The following TXNDC12 variants were observed in gnomAD, a reference collection of about 807,000 sequenced individuals.
The protein encoded by TXNDC12 is thioredoxin domain-containing protein 12.
TXNDC12 carries 22 observed loss-of-function variants against 24.2 expected under a neutral mutation model. The observed-to-expected ratio is 0.91, with a 90% CI of 0.65 to 1.30. The LOEUF (loss-of-function observed/expected upper bound fraction) is 1.30. Among genes scored for constraint, TXNDC12 ranks in the 50% most tolerant of loss-of-function variants. The pLI is 0.00. For synonymous variants in TXNDC12, 58 were observed against 73.4 expected (o/e 0.79, Z 1.07); for missense variants, 184 against 205.8 (o/e 0.89, Z 0.65).
intron 3 of TXNDC12, 67 bp downstream of exon 3, chr1:52,028,511 A>G: frequency 1.5e-6 from 2 of 1,314,912 alleles, no homozygotes; most frequent in South Asian, 1.2e-5. Flanking sequence ...CAGTGCCAAT[A>G]TTTGTTAAAT....
intron 5 of TXNDC12, 64 bp from the exon 6 acceptor site, chr1:52,023,638 A>G: frequency 7.8e-7 from 1 of 1,276,170 alleles, no homozygotes; most frequent in Non-Finnish European, 1.1e-6. Context: ...TTCAAACACT[A>G]CCTGGTACAT....
At chr1:52,047,642 C>T (rs1686122996) in intron 1 of TXNDC12, among the ~76,000 whole-genome samples, 1 of 152,210 alleles carries the variant, frequency 6.6e-6, no homozygotes, top group East Asian at 1.9e-4. Context: ...ACAATGTGCA[C>T]CTGTAGTCCC....
chr1:52,021,778 G>C (rs1685600894), intron 6 of TXNDC12, among the ~76,000 whole-genome samples: 1 of 152,142 alleles, frequency 6.6e-6, no homozygotes, highest in African/African-American at 2.4e-5. Flanking sequence ...TATGAATCTT[G>C]CAAAGCCAAA....
At position 52,031,097 on chromosome 1, in the gene TXNDC12, C is replaced by G. The variant is rs550491594; in HGVS notation, c.159-2467G>C. On this transcript the variant is annotated intron_variant, in intron 2 of 6. Transcript: ENST00000371626. ...CCAACAGCTAGTTAGTCCTCTTCAC[C>G]AGGTTTCCAAAGCATTTTGTCTTTT... is the stretch of plus-strand genomic sequence containing the variant. Among the ~76,000 whole-genome samples, 5 of 152,160 alleles carry G rather than the reference C, an allele frequency of 3.3e-5. No individual in the cohort carries two copies. In the South Asian group the frequency reaches 1.0e-3, roughly 32 times the overall value.
rs752812447 is a variant in TXNDC12, at chr1:52,055,122, G to A, written c.-26C>T. On this transcript the variant is annotated 5_prime_UTR_variant, in exon 1 of 7. Transcript: ENST00000371626. ...GGCAGTAGGTGCGCGGGGCCACGGG[G>A]CTGAGCGGACGCAGGGCCGGAGTCC... 7 of 1,571,846 alleles carry A rather than the reference G, an allele frequency of 4.5e-6. No homozygotes were observed. The highest frequency in any genetic ancestry group is 3.3e-5 in the Admixed American group (2 of 59,708).
intron 5 of TXNDC12, 61 bp from the exon 6 acceptor site, chr1:52,023,635 A>G: frequency 7.8e-7 from 1 of 1,282,406 alleles, no homozygotes; most frequent in African/African-American, 1.5e-5. Context: ...TACTTCAAAC[A>G]CTACCTGGTA....
chr1:52,045,537 A>G (rs1008835769), intron 1 of TXNDC12, among the ~76,000 whole-genome samples: 1 of 152,218 alleles, frequency 6.6e-6, no homozygotes, highest in Non-Finnish European at 1.5e-5. Context: ...AACCCTACCA[A>G]GACCTTCATA....
chr1:52,022,010 T>C (rs1360887885), intron 6 of TXNDC12, among the ~76,000 whole-genome samples: 1 of 152,122 alleles, frequency 6.6e-6, no homozygotes, highest in Non-Finnish European at 1.5e-5. Flanking sequence ...GATACAAGAA[T>C]TGGAGACCTA....
intron 2 of TXNDC12, among the ~76,000 whole-genome samples, chr1:52,039,816 G>T (rs1685953012): frequency 6.6e-6 from 1 of 152,222 alleles, no homozygotes; most frequent in Non-Finnish European, 1.5e-5. Context: ...ATGCAGTTAT[G>T]ATTTAATATG....
At chr1:52,032,683 C>A in intron 2 of TXNDC12, 1 of 1,571,176 alleles carries the variant, frequency 6.4e-7, no homozygotes, top group South Asian at 1.2e-5. Flanking sequence ...TGGCTTCCCC[C>A]CTACCTCCTC....
At chr1:52,036,389 A>C (rs1166816564) in intron 2 of TXNDC12, among the ~76,000 whole-genome samples, 1 of 152,196 alleles carries the variant, frequency 6.6e-6, no homozygotes, top group East Asian at 1.9e-4. Context: ...GTATTCATTA[A>C]GTGGAAATGG....
chr1:52,030,898 T>C (rs1430004008), intron 2 of TXNDC12, among the ~76,000 whole-genome samples: 1 of 152,244 alleles, frequency 6.6e-6, no homozygotes, highest in Non-Finnish European at 1.5e-5. Flanking sequence ...CATTTCAGTG[T>C]AGTTTTATTA....
At chr1:52,030,356 C>T (rs2124364866) in intron 2 of TXNDC12, 1 of 152,266 alleles carries the variant, frequency 6.6e-6, no homozygotes, top group South Asian at 2.1e-4. Context: ...AACCTAGGTT[C>T]TGCCACTTAC....
At chr1:52,046,317 G>A (rs756639245) in intron 1 of TXNDC12, among the ~76,000 whole-genome samples, 1 of 152,178 alleles carries the variant, frequency 6.6e-6, no homozygotes, top group Non-Finnish European at 1.5e-5. Flanking sequence ...ATCCAGGCAA[G>A]AGATGATAGT....
rs56219938 is a variant in TXNDC12 at position 52,039,088 on chromosome 1, C to CAAA, written c.158+2446_158+2448dup. The stretch of plus-strand genomic sequence containing the variant: ...GCCAGGCCAGAGCAAGACACCGTCT[C>CAAA]AAAAAAAAAAAAAAAAAAAAGGGTT... On this transcript the variant is annotated intron_variant, in intron 2 of 6. Transcript: ENST00000371626. 9.1e-4 allele frequency among the ~76,000 whole-genome samples: 74 copies of CAAA among 81,440 alleles called. 1 individual carries two copies. The highest frequency in any genetic ancestry group is 1.9e-3 in the African/African-American group (36 of 19,456). 53.4% of individuals were successfully genotyped at this position (81,440 alleles called of 152,430 possible). A position where few individuals can be genotyped will look rare whatever the true frequency, so the allele number is the denominator to read the frequency against.
intron 6 of TXNDC12, among the ~76,000 whole-genome samples, chr1:52,021,677 G>C (rs1685599545): frequency 6.6e-6 from 1 of 152,026 alleles, no homozygotes. Context: ...AGACTCAAGG[G>C]GGACAGCTAT....
chr1:52,033,254 C>T, intron 2 of TXNDC12: 1 of 1,613,896 alleles, frequency 6.2e-7, no homozygotes, highest in Non-Finnish European at 8.5e-7. Context: ...TCCTTGGGTA[C>T]GTCGGCCTGG....
Position 52,049,829 on chromosome 1 carries a change from C to A in TXNDC12, c.97+5171G>T, listed in dbSNP as rs139539374. Among the ~76,000 whole-genome samples the A allele has an allele frequency of 4.1e-3, 617 of 152,190 alleles. 3 individuals are homozygous for A. Among genetic ancestry groups the A allele is most frequent in the African/African-American group, 0.014 (585 of 41,512 alleles). On this transcript the variant is annotated intron_variant, in intron 1 of 6. Transcript: ENST00000371626. ...CTAGGATTATAGGCGTGAGCCACTG[C>A]ACCCAGCCTAAGTGCTTATTTTATG...
intron 2 of TXNDC12, among the ~76,000 whole-genome samples, chr1:52,039,622 C>T (rs984613664): frequency 1.3e-5 from 2 of 152,292 alleles, no homozygotes; most frequent in East Asian, 1.9e-4. Context: ...TGAGCCACCG[C>T]GCCCAGCTGA....
Sources: allele counts gnomAD v4.1 joint callset (sites outside exome capture counted in the v4.1 genomes callset), GRCh38; gene constraint gnomAD v4.1.1; transcripts MANE v1.5; gene names NCBI Gene and HGNC (gene_info 2026-07-23, HGNC 2026-07-21).